Variants in OSBPL10 observed in about 807,000 individuals in gnomAD.
OSBPL10 encodes the protein oxysterol-binding protein-related protein 10.
OSBPL10 carries 49 observed loss-of-function variants against 81.7 expected under a neutral mutation model. The observed-to-expected ratio is 0.60, with a 90% CI of 0.48 to 0.76. The LOEUF is 0.76. Ranked by LOEUF, OSBPL10 falls within the 30% of genes least tolerant of loss-of-function variation. The pLI is 0.00. For synonymous variants in OSBPL10, 419 were observed against 383.6 expected (o/e 1.09, Z -1.08); for missense variants, 923 against 987.8 (o/e 0.93, Z 0.88).
intron 5 of OSBPL10, among the ~76,000 whole-genome samples, chr3:31,742,848 C>T (rs1319338347): frequency 2.6e-5 from 4 of 151,976 alleles, no homozygotes; most frequent in Non-Finnish European, 5.9e-5. Context: ...CAGTTTTGAG[C>T]GTGGTTCTGC....
intron 5 of OSBPL10, among the ~76,000 whole-genome samples, chr3:31,739,940 A>G (rs1697289267): frequency 6.6e-6 from 1 of 152,092 alleles, no homozygotes; most frequent in African/African-American, 2.4e-5. Context: ...TCATCTTTTT[A>G]TCTTAACTAC....
chr3:31,871,649 T>A (rs1701328922), intron 3 of OSBPL10, among the ~76,000 whole-genome samples: 1 of 152,128 alleles, frequency 6.6e-6, no homozygotes, highest in African/African-American at 2.4e-5. Flanking sequence ...GGCAGGAGGA[T>A]CGCTTGAGCC....
At chr3:32,071,559 C>G (rs1699828506) in intron 1 of OSBPL10, among the ~76,000 whole-genome samples, 1 of 152,222 alleles carries the variant, frequency 6.6e-6, no homozygotes, top group Admixed American at 6.5e-5. Flanking sequence ...GTCCAAACAA[C>G]TTGACCTTAC....
chr3:31,977,654 C>A (rs1698726758), intron 1 of OSBPL10, among the ~76,000 whole-genome samples: 1 of 152,192 alleles, frequency 6.6e-6, no homozygotes, highest in African/African-American at 2.4e-5. Context: ...ATTATTCCTG[C>A]AAATACTTGC....
intron 10 of OSBPL10, among the ~76,000 whole-genome samples, chr3:31,665,123 C>A (rs1700158428): frequency 6.6e-6 from 1 of 152,162 alleles, no homozygotes; most frequent in East Asian, 1.9e-4. Context: ...GTGTTTAACA[C>A]TAGTTTGTAT....
At chr3:31,730,714 TAAAC>T (rs1696949571) in intron 6 of OSBPL10, among the ~76,000 whole-genome samples, 1 of 152,212 alleles carries the variant, frequency 6.6e-6, no homozygotes, top group South Asian at 2.1e-4. Context: ...TGCAGGGAAT[TAAAC>T]AGACTAAGCT....
chr3:31,738,374 T>C (rs1196705724), intron 5 of OSBPL10, among the ~76,000 whole-genome samples: 1 of 148,342 alleles, frequency 6.7e-6, no homozygotes, highest in African/African-American at 2.6e-5. Context: ...GCAGAAAAAT[T>C]AGACCTGCCT....
At chr3:31,760,541 C>T (rs2125720131) in intron 4 of OSBPL10, among the ~76,000 whole-genome samples, 1 of 152,282 alleles carries the variant, frequency 6.6e-6, no homozygotes, top group African/African-American at 2.4e-5. Flanking sequence ...CTTTATTCTT[C>T]ATGGGAAAGT....
chr3:32,007,346 A>C (rs1699214073), intron 2 of OSBPL10, among the ~76,000 whole-genome samples: 1 of 152,158 alleles, frequency 6.6e-6, no homozygotes, highest in African/African-American at 2.4e-5. Context: ...ATAACAAACT[A>C]CCCCAAACTT....
chr3:31,702,413 A>G lies in OSBPL10; in HGVS notation c.1191T>C (p.Arg397=), dbSNP rs1308981789. ...GTGAAATGAGATGAAGAATTATACTACGCTGATCCTCCATGACGCCCAATT... is the reference window on the plus strand; with the variant it reads ...GTGAAATGAGATGAAGAATTATACTGCGCTGATCCTCCATGACGCCCAATT... ...ETELGVMEDQ[R]SIILHLISQL... Residue 397 remains arginine (R), a synonymous_variant, in exon 7 of 12, where the codon CGT becomes CGC. Transcript: ENST00000396556. 11 of 1,614,052 alleles carry G rather than the reference A, an allele frequency of 6.8e-6. No homozygotes were observed. Among genetic ancestry groups the G allele is most frequent in the Non-Finnish European group, 9.3e-6 (11 of 1,180,034 alleles).
chr3:31,872,356 T>G (rs1701350825), intron 3 of OSBPL10, among the ~76,000 whole-genome samples: 1 of 152,112 alleles, frequency 6.6e-6, no homozygotes, highest in Non-Finnish European at 1.5e-5. Context: ...CACAGCCTCC[T>G]GGTTGGGGCT....
chr3:31,717,941 G>A (rs1486903359), intron 6 of OSBPL10, among the ~76,000 whole-genome samples: 3 of 152,136 alleles, frequency 2.0e-5, no homozygotes, highest in Admixed American at 1.3e-4. Flanking sequence ...TCATCCTGGG[G>A]TAATGCAAAC....
chr3:31,891,609 C>T (rs1170170161), intron 1 of OSBPL10, among the ~76,000 whole-genome samples: 1 of 152,194 alleles, frequency 6.6e-6, no homozygotes, highest in African/African-American at 2.4e-5. Flanking sequence ...TGCTGATGCT[C>T]ATATTGCATT....
Position 31,793,793 on chromosome 3 carries a change from T to C in OSBPL10, c.729+36247A>G, listed in dbSNP as rs75676158. Among the ~76,000 whole-genome samples the C allele has an allele frequency of 2.8e-3, 431 of 152,372 alleles. 4 individuals are homozygous for C. The highest frequency in any genetic ancestry group is 8.4e-3 in the African/African-American group (351 of 41,594). On this transcript the variant is annotated intron_variant, in intron 4 of 11. Coordinates refer to ENST00000396556, the MANE Select transcript of OSBPL10 (RefSeq NM_017784.5). ...TTTTTGACTATAGAGAGTTTAGATA[T>C]ACAGTTGGCCCTTCTTATCTGTGAA...
chr3:31,887,108 A>G (rs1361050137), intron 1 of OSBPL10, among the ~76,000 whole-genome samples: 2 of 152,116 alleles, frequency 1.3e-5, no homozygotes, highest in Non-Finnish European at 2.9e-5. Context: ...TTTGCCTGGT[A>G]CAAGGTCCAA....
At chr3:31,759,134 C>A (rs1451312643) in intron 4 of OSBPL10, among the ~76,000 whole-genome samples, 1 of 152,134 alleles carries the variant, frequency 6.6e-6, no homozygotes, top group Non-Finnish European at 1.5e-5. Context: ...ATGTTGGTAA[C>A]AAGGGGTGCA....
At chr3:31,709,802 C>A (rs1208570491) in intron 6 of OSBPL10, among the ~76,000 whole-genome samples, 1 of 152,170 alleles carries the variant, frequency 6.6e-6, no homozygotes, top group East Asian at 1.9e-4. Context: ...GGGCAGGGCC[C>A]CAACAAGACA....
At chr3:31,857,813 A>G (rs1443735260) in intron 3 of OSBPL10, among the ~76,000 whole-genome samples, 1 of 3,940 alleles carries the variant, frequency 2.5e-4, no homozygotes, top group East Asian at 8.2e-3. Context: ...GGAGAGAGAG[A>G]GAAAGGGAGA....
At chr3:31,878,426 A>G (rs190996838) in intron 2 of OSBPL10, among the ~76,000 whole-genome samples, 1 of 152,248 alleles carries the variant, frequency 6.6e-6, no homozygotes, top group Admixed American at 6.5e-5. Context: ...GAATCTCAAG[A>G]GAACATGAAT....
Sources: allele counts gnomAD v4.1 joint callset (sites outside exome capture counted in the v4.1 genomes callset), GRCh38; gene constraint gnomAD v4.1.1; transcripts MANE v1.5; gene names NCBI Gene and HGNC (gene_info 2026-07-23, HGNC 2026-07-21).